C7: variants seen among roughly 807,000 people sequenced by gnomAD.
C7 encodes the protein complement C7, also known as complement component C7.
C7 carries 83 observed loss-of-function variants against 104.8 expected under a neutral mutation model. That is an observed-to-expected ratio of 0.79 (90% CI 0.66 to 0.95). C7 has a LOEUF of 0.95. C7 is among the 40% of genes least tolerant of loss of function. The probability of loss-of-function intolerance (pLI) is 0.00; values close to 1 mark genes in which losing one functional copy is unlikely to be tolerated. For synonymous variants in C7, 415 were observed against 360.6 expected (o/e 1.15, Z -1.71); for missense variants, 1,070 against 1,011.2 (o/e 1.06, Z -0.79).
intron 14 of C7, among the ~76,000 whole-genome samples, chr5:40,971,127 T>C (rs558438989): frequency 3.9e-5 from 6 of 152,232 alleles, no homozygotes; most frequent in African/African-American, 1.4e-4. Context: ...GGTCAAATGG[T>C]ATTTCTGGTT....
intron 3 of C7, among the ~76,000 whole-genome samples, chr5:40,931,637 G>C (rs541954946): frequency 7.9e-5 from 12 of 152,184 alleles, no homozygotes; most frequent in Non-Finnish European, 8.8e-5. Context: ...CAAATACAAT[G>C]TTGGACTTAA....
chr5:40,934,812 CT>C (rs1739780329), intron 4 of C7, among the ~76,000 whole-genome samples: 1 of 152,050 alleles, frequency 6.6e-6, no homozygotes, highest in African/African-American at 2.4e-5. Context: ...ATGTTACTGC[CT>C]AAATTATTAT....
chr5:40,946,659 G>A (rs1429080893), intron 7 of C7, among the ~76,000 whole-genome samples: 1 of 152,108 alleles, frequency 6.6e-6, no homozygotes, highest in Non-Finnish European at 1.5e-5. Context: ...TCAAGATGTG[G>A]ACCATAGGGA....
chr5:40,958,832 C>T (rs149877857), intron 11 of C7, among the ~76,000 whole-genome samples: 26 of 152,266 alleles, frequency 1.7e-4, no homozygotes, highest in East Asian at 9.7e-4. Context: ...TCTTCTAGAA[C>T]GCTCATTACT....
chr5:40,957,771 T>TG (rs1561252380), intron 10 of C7, among the ~76,000 whole-genome samples: 1 of 106,156 alleles, frequency 9.4e-6, no homozygotes, highest in African/African-American at 2.6e-5. Flanking sequence ...TTTTTTTGTT[T>TG]TTTTTTTTTT....
In C7 at chr5:40,959,564, C is replaced by G; in HGVS notation, c.1605C>G (p.Cys535Trp). 6.2e-7 allele frequency: 1 copy of G among 1,609,314 alleles called. No individual in the cohort carries two copies. Among genetic ancestry groups the G allele is most frequent in the Non-Finnish European group, 8.5e-7 (1 of 1,178,388 alleles). The change falls in exon 12 of 18, where the codon TGC (cysteine) becomes TGG (tryptophan). Residue 535 changes from cysteine (C) to tryptophan (W), a missense_variant. Coordinates refer to ENST00000313164, the MANE Select transcript of C7 (RefSeq NM_000587.4). ...NPPPSGGGRS[C>W]VGETTESTQC... ...CTCCCAGTGGGGGTGGGAGATCCTG[C>G]GTTGGAGAAACGACAGAAAGCACAC...
At chr5:40,955,631 G>T in intron 10 of C7, 78 bp downstream of exon 10, 1 of 1,356,006 alleles carries the variant, frequency 7.4e-7, no homozygotes. Flanking sequence ...GTTAAATCAA[G>T]ATGGTTAAAC....
chr5:40,968,594 ATATATATTTTTTTTT>A (rs1740619368), intron 14 of C7, among the ~76,000 whole-genome samples: 1 of 26,138 alleles, frequency 3.8e-5, no homozygotes, highest in African/African-American at 1.9e-4. Flanking sequence ...ATATATATAT[ATATATATTTTTTTTT>A]TTTTTTTTTT....
chr5:40,918,427 C>T (rs763538535), intron 1 of C7, among the ~76,000 whole-genome samples: 3 of 151,894 alleles, frequency 2.0e-5, no homozygotes, highest in Non-Finnish European at 2.9e-5. Context: ...AACAAAATGG[C>T]AGTAGTAAGT....
Position 40,909,597 on chromosome 5 carries a change from A to G in C7, c.-14A>G, listed in dbSNP as rs1368157732. 1.9e-6 allele frequency: 3 copies of G among 1,567,406 alleles called. No homozygotes were observed. Among genetic ancestry groups the G allele is most frequent in the Non-Finnish European group, 2.6e-6 (3 of 1,146,692 alleles). On this transcript the variant is annotated 5_prime_UTR_variant, in exon 1 of 18. The change abolishes an upstream ATG in the 5' untranslated region. Transcript: ENST00000313164. ...ATCTTCCTCCTCTCTTCTGCCCTGA[A>G]TGTTTTCCCAAACATGAAGGTAAGA...
chr5:40,914,423 C>T (rs976179789), intron 1 of C7, among the ~76,000 whole-genome samples: 5 of 152,066 alleles, frequency 3.3e-5, no homozygotes, highest in Admixed American at 1.3e-4. Context: ...TGTCTGTTCA[C>T]GCTGTTGATT....
At position 40,972,417 on chromosome 5, in the gene C7, C is replaced by G. The variant is rs748589147; in HGVS notation, c.1897C>G (p.Leu633Val). 3.1e-6 allele frequency: 5 copies of G among 1,613,784 alleles called. No homozygotes were observed. The highest frequency in any genetic ancestry group is 4.2e-6 in the Non-Finnish European group (5 of 1,179,726). ...EMHCQKIACV[L>V]PVLMDGIQSH... Reference sequence around the variant, plus strand: ...TTTATCTTTAGAAATTGCCTGTGTTCTACCTGTACTGATGGATGGCATACA... The same window carrying G: ...TTTATCTTTAGAAATTGCCTGTGTTGTACCTGTACTGATGGATGGCATACA... The change falls in exon 15 of 18, where the codon CTA (leucine) becomes GTA (valine). Residue 633 changes from leucine (L) to valine (V), a missense_variant. Coordinates refer to ENST00000313164, the MANE Select transcript of C7 (RefSeq NM_000587.4).
intron 14 of C7, among the ~76,000 whole-genome samples, chr5:40,970,998 G>A (rs1273955005): frequency 6.6e-6 from 1 of 152,268 alleles, no homozygotes; most frequent in East Asian, 1.9e-4. Flanking sequence ...ATGGGCATTT[G>A]GGTTGGTTCC....
chr5:40,961,994 C>T, intron 12 of C7, 91 bp from the exon 13 acceptor site: 4 of 556,994 alleles, frequency 7.2e-6, no homozygotes, highest in Non-Finnish European at 1.2e-5. Context: ...AATGGAGTTC[C>T]TTCAGATACA....
At chr5:40,950,284 A>G (rs767967045) in intron 9 of C7, among the ~76,000 whole-genome samples, 14 of 152,220 alleles carry the variant, frequency 9.2e-5, no homozygotes, top group African/African-American at 1.4e-4. Flanking sequence ...GCTCCTGCAT[A>G]TATGTGAAAA....
intron 1 of C7, among the ~76,000 whole-genome samples, chr5:40,923,701 G>A (rs112490681): frequency 3.3e-5 from 5 of 151,344 alleles, no homozygotes; most frequent in Admixed American, 3.3e-4. Context: ...AGCCGAGATT[G>A]TGCCATTGCA....
In C7 at chr5:40,955,647, T is replaced by C. The variant is rs532678775; in HGVS notation, c.1260+94T>C. On this transcript the variant is annotated intron_variant, in intron 10 of 17. Coordinates refer to ENST00000313164, the MANE Select transcript of C7 (RefSeq NM_000587.4). ...TTAAATCAAGATGGTTAAACAGACA[T>C]GGCTGTAATTAGCATTTTCCGTATC... 10 of 1,082,512 alleles carry C rather than the reference T, an allele frequency of 9.2e-6. No individual in the cohort carries two copies. The South Asian group carries it at 1.6e-4, about 18-fold the overall frequency. The allele number at this position is 1,082,512 out of a possible 1,614,324, so 67.1% of individuals were successfully genotyped here. A position where few individuals can be genotyped will look rare whatever the true frequency, so the allele number is the denominator to read the frequency against.
chr5:40,967,190 T>A (rs1740575034), intron 14 of C7, among the ~76,000 whole-genome samples: 1 of 151,758 alleles, frequency 6.6e-6, no homozygotes, highest in South Asian at 2.1e-4. Context: ...CTCAGCCTCC[T>A]GAGTAGCTGG....
At chr5:40,971,156 G>T (rs2111705930) in intron 14 of C7, among the ~76,000 whole-genome samples, 1 of 152,238 alleles carries the variant, frequency 6.6e-6, no homozygotes, top group Admixed American at 6.5e-5. Context: ...TTGAGGAATT[G>T]CCATACCGTC....
Sources: allele counts gnomAD v4.1 joint callset (sites outside exome capture counted in the v4.1 genomes callset), GRCh38; gene constraint gnomAD v4.1.1; transcripts MANE v1.5; gene names NCBI Gene and HGNC (gene_info 2026-07-23, HGNC 2026-07-21).